DECR1: variants seen among roughly 807,000 people sequenced by gnomAD.
The protein encoded by DECR1 is 2,4-dienoyl-CoA reductase 1.
Under a neutral mutation model 38.8 loss-of-function variants are expected in DECR1, and 44 were observed. The observed-to-expected ratio is 1.13, with a 90% CI of 0.89 to 1.46. The LOEUF is 1.46. Ranked by LOEUF, DECR1 falls within the 40% of genes most tolerant of loss-of-function variation. The probability of loss-of-function intolerance (pLI) is 0.00; values close to 1 mark genes in which losing one functional copy is unlikely to be tolerated. For synonymous variants in DECR1, 148 were observed against 135.2 expected, an observed-to-expected ratio of 1.09 and a Z score of -0.66; for missense variants, 428 against 405.5, an observed-to-expected ratio of 1.06 and a Z score of -0.48.
intron 8 of DECR1, among the ~76,000 whole-genome samples, chr8:90,048,444 G>T (rs1813971300): frequency 6.6e-6 from 1 of 151,998 alleles, no homozygotes; most frequent in Non-Finnish European, 1.5e-5. Flanking sequence ...AGAAGAAATG[G>T]ATACATTCCT....
At chr8:90,005,450 T>G in intron 1 of DECR1, 1 of 456,170 alleles carries the variant, frequency 2.2e-6, no homozygotes, top group East Asian at 6.9e-5. Flanking sequence ...TTTTCCAGTC[T>G]GAAAAATGAG....
Position 90,001,556 on chromosome 8 carries a change from C to T in DECR1, c.64C>T (p.Arg22Trp), listed in dbSNP as rs140706902. The T allele has an allele frequency of 3.1e-6, 5 of 1,612,836 alleles. No homozygotes were observed. The highest frequency in any genetic ancestry group is 1.3e-5 in the African/African-American group (1 of 74,912). ...GSRLPCGLAP[R>W]RFFSYGTKIL... Reference sequence around the variant, plus strand: ...CCGGCTGCCCTGTGGCCTCGCTCCTCGGAGGGTAAGGCGGCCGGGGGCGCG... The same window carrying T: ...CCGGCTGCCCTGTGGCCTCGCTCCTTGGAGGGTAAGGCGGCCGGGGGCGCG... Residue 22 changes from arginine (R) to tryptophan (W), a missense_variant, in exon 1 of 10, where the codon CGG becomes TGG. Transcript: ENST00000220764.
chr8:90,048,413 T>A (rs1412117058), intron 8 of DECR1, among the ~76,000 whole-genome samples: 1 of 152,004 alleles, frequency 6.6e-6, no homozygotes, highest in African/African-American at 2.4e-5. Context: ...AACACCACTA[T>A]GCAGATAAAC....
intron 5 of DECR1, among the ~76,000 whole-genome samples, chr8:90,029,708 G>T (rs528055017): frequency 6.6e-6 from 1 of 152,058 alleles, no homozygotes; most frequent in African/African-American, 2.4e-5. Flanking sequence ...TGTGTGAACC[G>T]TAAACACAAG....
intron 8 of DECR1, among the ~76,000 whole-genome samples, chr8:90,048,243 G>A (rs963605626): frequency 2.0e-5 from 3 of 152,114 alleles, no homozygotes; most frequent in African/African-American, 7.2e-5. Flanking sequence ...AATGAATCCA[G>A]GAGCTGTTTT....
intron 2 of DECR1, 150 bp from the exon 3 acceptor site, chr8:90,018,759 C>G: frequency 3.1e-6 from 2 of 648,812 alleles, no homozygotes. Context: ...CTAAATTTGA[C>G]TTTTAGAAAA....
intron 1 of DECR1, among the ~76,000 whole-genome samples, chr8:90,011,289 GTAGATAA>G (rs1812876898): frequency 1.3e-5 from 2 of 152,082 alleles, no homozygotes; most frequent in African/African-American, 2.4e-5. Context: ...CCTTCTTTTG[GTAGATAA>G]TAGATCCATA....
At chr8:90,049,239 T>C (rs1245486024) in intron 8 of DECR1, among the ~76,000 whole-genome samples, 1 of 152,198 alleles carries the variant, frequency 6.6e-6, no homozygotes, top group African/African-American at 2.4e-5. Context: ...AGTCAAATTG[T>C]ACCTGTTTGC....
intron 7 of DECR1, among the ~76,000 whole-genome samples, 162 bp from the exon 8 acceptor site, chr8:90,044,687 T>C (rs1813838920): frequency 6.6e-6 from 1 of 152,256 alleles, no homozygotes; most frequent in Non-Finnish European, 1.5e-5. Context: ...TCCAGTGATC[T>C]ATTTTTTTTT....
chr8:90,043,219 A>AT (rs1813807679), intron 7 of DECR1, among the ~76,000 whole-genome samples: 1 of 152,106 alleles, frequency 6.6e-6, no homozygotes, highest in African/African-American at 2.4e-5. Context: ...GTAACTTATT[A>AT]TATAGGCTTT....
intron 7 of DECR1, 90 bp from the exon 8 acceptor site, chr8:90,044,759 A>C: frequency 8.3e-5 from 106 of 1,273,984 alleles, no homozygotes; most frequent in Middle Eastern, 2.0e-4. Flanking sequence ...GCTGCATGGC[A>C]GCATGCCATT....
chr8:90,016,039 T>C (rs1812998319), intron 1 of DECR1, among the ~76,000 whole-genome samples: 1 of 152,220 alleles, frequency 6.6e-6, no homozygotes, highest in South Asian at 2.1e-4. Context: ...TGTTTTATGA[T>C]TAAATGCGAG....
chr8:90,047,774 A>G (rs1428080469), intron 8 of DECR1, among the ~76,000 whole-genome samples: 3 of 152,246 alleles, frequency 2.0e-5, no homozygotes, highest in African/African-American at 4.8e-5. Flanking sequence ...AATTGACCAC[A>G]TAGGTGGAAG....
At chr8:90,050,974 T>C (rs1260587065) in intron 8 of DECR1, among the ~76,000 whole-genome samples, 1 of 151,816 alleles carries the variant, frequency 6.6e-6, no homozygotes, top group African/African-American at 2.4e-5. Flanking sequence ...AATTGAACAA[T>C]GAAAACACTT....
At chr8:90,046,611 C>T (rs1221316531) in intron 8 of DECR1, among the ~76,000 whole-genome samples, 1 of 152,196 alleles carries the variant, frequency 6.6e-6, no homozygotes, top group Non-Finnish European at 1.5e-5. Context: ...GGAAAACATG[C>T]TGCAGGATAT....
At chr8:90,013,894 G>C (rs924728699) in intron 1 of DECR1, among the ~76,000 whole-genome samples, 2 of 152,146 alleles carry the variant, frequency 1.3e-5, no homozygotes, top group Admixed American at 6.5e-5. Context: ...AAGATTAAAA[G>C]TATGATCATG....
At chr8:90,038,956 T>G (rs931825986) in intron 6 of DECR1, among the ~76,000 whole-genome samples, 1 of 152,188 alleles carries the variant, frequency 6.6e-6, no homozygotes, top group Non-Finnish European at 1.5e-5. Context: ...CAATATTTGT[T>G]TTGTGAGGAC....
intron 1 of DECR1, among the ~76,000 whole-genome samples, chr8:90,015,956 T>C (rs1812996640): frequency 6.6e-6 from 1 of 152,244 alleles, no homozygotes; most frequent in Admixed American, 6.5e-5. Flanking sequence ...TAGTTTGATA[T>C]GTAATCCTGG....
chr8:90,051,299 G>A (rs1814084464), intron 8 of DECR1, among the ~76,000 whole-genome samples: 1 of 151,994 alleles, frequency 6.6e-6, no homozygotes, highest in African/African-American at 2.4e-5. Flanking sequence ...AGGCAATAGA[G>A]ATAAAGAGAG....
Sources: allele counts gnomAD v4.1 joint callset (sites outside exome capture counted in the v4.1 genomes callset), GRCh38; gene constraint gnomAD v4.1.1; transcripts MANE v1.5; gene names NCBI Gene and HGNC (gene_info 2026-07-23, HGNC 2026-07-21).